Variants in HMGA1 observed in about 807,000 individuals in gnomAD.
HMGA1 encodes high mobility group AT-hook 1.
Under a neutral mutation model 15.1 loss-of-function variants are expected in HMGA1, and 1 was observed. The observed-to-expected ratio is 0.07, with a 90% CI of 0.02 to 0.31. HMGA1 has a LOEUF of 0.31. Ranked by LOEUF, HMGA1 falls within the 10% of genes least tolerant of loss-of-function variation. The probability of loss-of-function intolerance (pLI) is 1.00; values close to 1 mark genes in which losing one functional copy is unlikely to be tolerated. For synonymous variants in HMGA1, 56 were observed against 54.8 expected, an observed-to-expected ratio of 1.02 and a Z score of -0.10; for missense variants, 94 against 141.4, an observed-to-expected ratio of 0.66 and a Z score of 1.70.
At chr6:34,237,902 G>A (rs957675208) in intron 2 of HMGA1, among the ~76,000 whole-genome samples, 57 of 152,062 alleles carry the variant, frequency 3.7e-4, no homozygotes, top group Non-Finnish European at 7.5e-4. Context: ...CCTGGGTTTG[G>A]GGCTTCACCC....
chr6:34,237,688 G>GGAGCCCGAGCCCGAGCCGGAGCCC (rs1761905408), intron 2 of HMGA1, among the ~76,000 whole-genome samples: 1 of 147,292 alleles, frequency 6.8e-6, no homozygotes, highest in Non-Finnish European at 1.5e-5. Flanking sequence ...CGCTGGAGCC[G>GGAGCCCGAGCCCGAGCCGGAGCCC]GAGCCCGAGC....
chr6:34,238,282 C>CG (rs1761988853), intron 2 of HMGA1, among the ~76,000 whole-genome samples: 1 of 152,118 alleles, frequency 6.6e-6, no homozygotes, highest in African/African-American at 2.4e-5. Flanking sequence ...CCCCGGGTCC[C>CG]GCCGGCCGGC....
At chr6:34,238,218 C>G (rs915908465) in intron 2 of HMGA1, among the ~76,000 whole-genome samples, 5 of 152,012 alleles carry the variant, frequency 3.3e-5, no homozygotes, top group Non-Finnish European at 7.4e-5. Flanking sequence ...TCGGGGTGCG[C>G]TGCTTTCCCG....
Position 34,236,948 on chromosome 6 carries a change from G to A in HMGA1, c.-174G>A. 1 of 152,642 alleles carries A rather than the reference G, an allele frequency of 6.6e-6. No homozygotes were observed. The highest frequency in any genetic ancestry group is 6.5e-5 in the Admixed American group (1 of 15,302). The allele number at this position is 152,642 out of a possible 1,614,324, so 9.5% of individuals were successfully genotyped here. ...AGCCGGGGCTATTTCTGGCGCTGGC[G>A]CGGCTCCAAGAAGGCGTGAGTTCGC... On this transcript the variant is annotated 5_prime_UTR_variant, in exon 1 of 6. Coordinates refer to ENST00000311487, the MANE Select transcript of HMGA1 (RefSeq NM_145899.3).
Position 34,245,404 on chromosome 6 carries a change from G to A in HMGA1, c.*520G>A. 1 of 1,357,982 alleles carries A rather than the reference G, an allele frequency of 7.4e-7. No individual in the cohort carries two copies. 84.1% of individuals were successfully genotyped at this position (1,357,982 alleles called of 1,614,324 possible). ...GCAGCAGGTGTGGCCAATGGAGGGG[G>A]GTGCTGGCCCCCAGGATTCCCCCAG... On this transcript the variant is annotated 3_prime_UTR_variant, in exon 6 of 6. Coordinates refer to ENST00000311487, the MANE Select transcript of HMGA1 (RefSeq NM_145899.3).
At chr6:34,244,255 CG>C (rs1443132198) in intron 5 of HMGA1, among the ~76,000 whole-genome samples, 4 of 152,072 alleles carry the variant, frequency 2.6e-5, no homozygotes, top group African/African-American at 9.7e-5. Flanking sequence ...GTGCCTGGCA[CG>C]GGGGCTGTAG....
chr6:34,237,358 G>A (rs1761846746), intron 2 of HMGA1, 41 bp downstream of exon 2: 1 of 145,476 alleles, frequency 6.9e-6, no homozygotes, highest in African/African-American at 2.5e-5. Flanking sequence ...CGGCGGAGGG[G>A]GGCGCCCGCG....
chr6:34,243,454 C>T lies in HMGA1; in HGVS notation c.220-14C>T, dbSNP rs747898195. ...GCATTTTGGACTTAGGAGATATTTT[C>T]TCTAACCCTCTAGAAAACCACCACA... On this transcript the variant is annotated splice_polypyrimidine_tract_variant and intron_variant, in intron 4 of 5. Coordinates refer to ENST00000311487, the MANE Select transcript of HMGA1 (RefSeq NM_145899.3). 4.3e-6 allele frequency: 7 copies of T among 1,609,376 alleles called. No individual in the cohort carries two copies. Among genetic ancestry groups the T allele is most frequent in the African/African-American group, 4.0e-5 (3 of 74,856 alleles).
chr6:34,238,004 G>T (rs1761952370), intron 2 of HMGA1, among the ~76,000 whole-genome samples: 1 of 152,152 alleles, frequency 6.6e-6, no homozygotes, highest in Admixed American at 6.5e-5. Context: ...GCTTTGCTGG[G>T]CTCTGTTGGA....
intron 3 of HMGA1, 26 bp from the exon 4 acceptor site, chr6:34,242,686 C>A: frequency 1.3e-6 from 2 of 1,507,356 alleles, no homozygotes; most frequent in Non-Finnish European, 1.8e-6. Context: ...GATGACTGTC[C>A]CTGACTACCC....
rs1762729306 is a variant in HMGA1 at position 34,246,125 on chromosome 6, C to A, written c.*1241C>A. On this transcript the variant is annotated 3_prime_UTR_variant, in exon 6 of 6. Transcript: ENST00000311487. ...ATAAAGGGTGTAGGGGCCACCTCCT[C>A]CCCCTGTTCTGTTGGGGAGGGGTAG... 2 of 242,384 alleles carry A rather than the reference C, an allele frequency of 8.3e-6. No individual in the cohort carries two copies. Among genetic ancestry groups the A allele is most frequent in the Non-Finnish European group, 8.1e-6 (1 of 123,502 alleles). The allele number at this position is 242,384 out of a possible 1,614,324, so 15.0% of individuals were successfully genotyped here. A position where few individuals can be genotyped will look rare whatever the true frequency, so the allele number is the denominator to read the frequency against.
intron 4 of HMGA1, 78 bp downstream of exon 4, chr6:34,242,873 G>A: frequency 9.2e-7 from 1 of 1,084,084 alleles, no homozygotes; most frequent in Non-Finnish European, 1.4e-6. Context: ...CCACGGCTGT[G>A]GGGAGGTCTG....
At chr6:34,241,706 G>T (rs989131103) in intron 3 of HMGA1, among the ~76,000 whole-genome samples, 6 of 152,250 alleles carry the variant, frequency 3.9e-5, no homozygotes, top group African/African-American at 1.2e-4. Context: ...CAAGTGAAGG[G>T]TGGCTGTTGG....
In HMGA1 at chr6:34,246,169, TG is replaced by T; in HGVS notation, c.*1289del. ...GGGGTAGCCATGATTTGTCCCAGCC[TG>T]GGGCTCCCTCTCTGGTTTCCTATTT... On this transcript the variant is annotated 3_prime_UTR_variant, in exon 6 of 6. Transcript: ENST00000311487. The T allele has an allele frequency of 4.0e-6, 1 of 250,794 alleles. No individual in the cohort carries two copies. Among genetic ancestry groups the T allele is most frequent in the Non-Finnish European group, 7.7e-6 (1 of 129,086 alleles). The allele number at this position is 250,794 out of a possible 1,614,324, so 15.5% of individuals were successfully genotyped here. A position where few individuals can be genotyped will look rare whatever the true frequency, so the allele number is the denominator to read the frequency against.
intron 4 of HMGA1, 99 bp downstream of exon 4, chr6:34,242,894 C>T (rs1762414443): frequency 2.4e-6 from 2 of 838,878 alleles, no homozygotes; most frequent in South Asian, 2.9e-5. Flanking sequence ...GGAAGGGGCT[C>T]AGTCATCTCA....
In HMGA1 at chr6:34,244,897, G is replaced by A. The variant is rs759283212; in HGVS notation, c.*13G>A. 1.5e-5 allele frequency: 23 copies of A among 1,554,380 alleles called. No homozygotes were observed. The highest frequency in any genetic ancestry group is 2.2e-4 in the Middle Eastern group (1 of 4,560). The stretch of plus-strand genomic sequence containing the variant: ...GGAGGAGCAGTGACCCATGCGTGCC[G>A]CCTGCTCCTCACTGGAGGAGCAGCT... On this transcript the variant is annotated 3_prime_UTR_variant, in exon 6 of 6. Transcript: ENST00000311487.
chr6:34,245,200 G>A lies in HMGA1; in HGVS notation c.*316G>A, dbSNP rs1303801600. Reference sequence around the variant, plus strand: ...CTTAGCCGCACCCTGCACCTGCTGCGTCCCCACTCCCTTGGTGGTGGGGAC... The same window carrying A: ...CTTAGCCGCACCCTGCACCTGCTGCATCCCCACTCCCTTGGTGGTGGGGAC... On this transcript the variant is annotated 3_prime_UTR_variant, in exon 6 of 6. Transcript: ENST00000311487. 1.6e-5 allele frequency: 22 copies of A among 1,414,668 alleles called. No individual in the cohort carries two copies. Among genetic ancestry groups the A allele is most frequent in the Admixed American group, 1.3e-4 (6 of 47,088 alleles). 87.6% of individuals were successfully genotyped at this position (1,414,668 alleles called of 1,614,324 possible).
chr6:34,237,766 C>T (rs868149133), intron 2 of HMGA1, among the ~76,000 whole-genome samples: 3 of 151,226 alleles, frequency 2.0e-5, no homozygotes, highest in African/African-American at 4.9e-5. Flanking sequence ...AGTGGGGGGT[C>T]GGGCGCCCCC....
At position 34,243,456 on chromosome 6, in the gene HMGA1, C is replaced by G. The variant is rs771827159; in HGVS notation, c.220-12C>G. The G allele has an allele frequency of 5.0e-6, 8 of 1,610,424 alleles. No individual in the cohort carries two copies. On this transcript the variant is annotated splice_polypyrimidine_tract_variant and intron_variant, in intron 4 of 5. Coordinates refer to ENST00000311487, the MANE Select transcript of HMGA1 (RefSeq NM_145899.3). ...ATTTTGGACTTAGGAGATATTTTCT[C>G]TAACCCTCTAGAAAACCACCACAAC... is the stretch of plus-strand genomic sequence containing the variant.
Sources: allele counts gnomAD v4.1 joint callset (sites outside exome capture counted in the v4.1 genomes callset), GRCh38; gene constraint gnomAD v4.1.1; transcripts MANE v1.5; gene names NCBI Gene and HGNC (gene_info 2026-07-23, HGNC 2026-07-21).